IRX1: variants seen among roughly 807,000 people sequenced by gnomAD.
The protein encoded by IRX1 is iroquois-class homeodomain protein IRX-1.
Under a neutral mutation model 34.1 loss-of-function variants are expected in IRX1, and 22 were observed. That is an observed-to-expected ratio of 0.64 (90% CI 0.46 to 0.92). The LOEUF is 0.92. Ranked by LOEUF, IRX1 falls within the 40% of genes least tolerant of loss-of-function variation. IRX1 has a pLI of 0.00. For missense variants in IRX1, 758 were observed against 680.0 expected (o/e 1.11, Z -1.28); for synonymous variants, 363 against 319.0 (o/e 1.14, Z -1.47).
chr5:3,599,275 C>T lies in IRX1; in HGVS notation c.327C>T (p.Phe109=), dbSNP rs767540467. 1.3e-5 allele frequency: 21 copies of T among 1,614,026 alleles called. No homozygotes were observed. In the Admixed American group the frequency reaches 3.5e-4, roughly 27 times the overall value. The change falls in exon 2 of 4, where the codon TTC becomes TTT. Residue 109 remains phenylalanine (F), a synonymous_variant. Coordinates refer to ENST00000302006, the MANE Select transcript of IRX1 (RefSeq NM_024337.4). The surrounding 1 kb of genome is among the most constrained non-coding windows in gnomAD (Gnocchi z 6.6). The stretch of plus-strand genomic sequence containing the variant: ...ACCCTGGGGTGCACCCCGCCACCTT[C>T]GCAGCCCACACGGCGCCGGCTTATT... ...KDNPGVHPAT[F]AAHTAPAYYP...
At chr5:3,600,942 C>G (rs767203668) in intron 3 of IRX1, 41 bp from the exon 4 acceptor site, 1 of 1,603,424 alleles carries the variant, frequency 6.2e-7, no homozygotes, top group Non-Finnish European at 8.5e-7. Context: ...CCCCCACTCA[C>G]AGTGCCCCTG....
chr5:3,598,417 T>A, intron 1 of IRX1, among the ~76,000 whole-genome samples: 1 of 152,140 alleles, frequency 6.6e-6, no homozygotes, highest in East Asian at 1.9e-4. Flanking sequence ...ATGAAGTAAC[T>A]GAGAAGAGGC....
chr5:3,600,990 G>A lies in IRX1; in HGVS notation c.1393G>A (p.Ala465Thr), dbSNP rs1162588403. 1.9e-6 allele frequency: 3 copies of A among 1,608,686 alleles called. No homozygotes were observed. Among genetic ancestry groups the A allele is most frequent in the African/African-American group, 2.7e-5 (2 of 74,580 alleles). ...PFQPVRDNSL[A>T]PQEGTPRILA... is the part of the protein sequence containing the mutation. ...GCTGTGTTTCCCATGCAGCTCTCTG[G>A]CCCCGCAGGAGGGAACGCCGCGGAT... Residue 465 changes from alanine (A) to threonine (T), a missense_variant, in exon 4 of 4, where the codon GCC becomes ACC. This residue lies in a region of IRX1 where 529 missense variants were observed against 418.8 expected (regional missense o/e 1.26). Transcript: ENST00000302006.
Position 3,600,813 on chromosome 5 carries a change from A to T in IRX1, c.1385+132A>T, listed in dbSNP as rs924592961. ...CCTAGTTGAAGGAGCGCTCCCCGCC[A>T]GCCCTGGGCGCCGGGCGAGCCGAGG... is the stretch of plus-strand genomic sequence containing the variant. On this transcript the variant is annotated intron_variant, in intron 3 of 3. Coordinates refer to ENST00000302006, the MANE Select transcript of IRX1 (RefSeq NM_024337.4). 3.1e-4 allele frequency: 352 copies of T among 1,148,886 alleles called. 1 individual carries two copies. The highest frequency in any genetic ancestry group is 4.0e-4 in the South Asian group (31 of 76,992). The allele number at this position is 1,148,886 out of a possible 1,614,324, so 71.2% of individuals were successfully genotyped here.
Position 3,600,615 on chromosome 5 carries a change from AC to A in IRX1, c.1321del (p.Leu441SerfsTer12). 1 of 1,613,372 alleles carries A rather than the reference AC, an allele frequency of 6.2e-7. No individual in the cohort carries two copies. The highest frequency in any genetic ancestry group is 8.5e-7 in the Non-Finnish European group (1 of 1,179,758). On this transcript the variant is annotated frameshift_variant, in exon 3 of 4. Coordinates refer to ENST00000302006, the MANE Select transcript of IRX1 (RefSeq NM_024337.4). LOFTEE classifies it high-confidence loss of function. ...VRSSPTLPER[D>X]LVPRPDSPAQ... ...CTCTTCCGATCTCTCGCAGAGAGAG[AC>A]CTCGTCCCCAGGCCAGATTCGCCGG...
rs375423008 is a variant in IRX1 at position 3,600,170 on chromosome 5, G to A, written c.1222G>A (p.Ala408Thr). ...HAAPHGPHLPAPPPPQPPVAI... is the reference protein window; with the variant it reads ...HAAPHGPHLPTPPPPQPPVAI... ...CGCGCCCCATGGCCCTCACCTTCCT[G>A]CACCTCCACCACCGCAGCCGCCGGT... Residue 408 changes from alanine to threonine, a missense_variant, in exon 2 of 4, where the codon GCA becomes ACA. By Grantham distance (58) the Ala-to-Thr change is moderately conservative. Around this residue, in one of 3 missense-constraint regions of IRX1, gnomAD observed 529 missense variants for 418.8 expected, o/e 1.26. Coordinates refer to ENST00000302006, the MANE Select transcript of IRX1 (RefSeq NM_024337.4). 6 of 1,612,752 alleles carry A rather than the reference G, an allele frequency of 3.7e-6. No homozygotes were observed. The African/African-American group carries it at 5.3e-5, about 14-fold the overall frequency.
chr5:3,596,696 C>A (rs1242556688), intron 1 of IRX1, among the ~76,000 whole-genome samples: 1 of 152,096 alleles, frequency 6.6e-6, no homozygotes, highest in Admixed American at 6.5e-5. Context: ...AGGTCGGGGG[C>A]AAACTCGCCT....
chr5:3,599,982 G>C lies in IRX1; in HGVS notation c.1034G>C (p.Gly345Ala), dbSNP rs1733914865. The C allele has an allele frequency of 2.0e-6, 3 of 1,513,320 alleles. No homozygotes were observed. In the African/African-American group the frequency reaches 4.2e-5, roughly 21 times the overall value. 93.7% of individuals were successfully genotyped at this position (1,513,320 alleles called of 1,614,324 possible). A position where few individuals can be genotyped will look rare whatever the true frequency, so the allele number is the denominator to read the frequency against. ...CCCGCGGGCCACCCCGGCGCGCACGGGCCCTCCGCCGGGGCGCCGCTGCAA... is the reference window on the plus strand; with the variant it reads ...CCCGCGGGCCACCCCGGCGCGCACGCGCCCTCCGCCGGGGCGCCGCTGCAA... ...PPPAGHPGAH[G>A]PSAGAPLQHP... is the part of the protein sequence containing the mutation. The change falls in exon 2 of 4, where the codon GGG becomes GCG. Residue 345 changes from glycine (G) to alanine (A), a missense_variant. This residue lies in a region of IRX1 where 529 missense variants were observed against 418.8 expected (regional missense o/e 1.26). Transcript: ENST00000302006. This position sits in a 1 kb window ranked among gnomAD's most constrained non-coding sequence, Gnocchi z 6.6.
At chr5:3,600,718 T>C (rs770598517) in intron 3 of IRX1, 37 bp downstream of exon 3, 1 of 1,290,018 alleles carries the variant, frequency 7.8e-7, no homozygotes, top group Non-Finnish European at 1.1e-6. Context: ...GAGAAGGCGG[T>C]GGGGAGGGGG....
At chr5:3,597,189 C>T (rs978286472) in intron 1 of IRX1, among the ~76,000 whole-genome samples, 5 of 152,176 alleles carry the variant, frequency 3.3e-5, no homozygotes, top group African/African-American at 1.2e-4. Flanking sequence ...GTCTCCCGTC[C>T]CAGTGGGCGT....
chr5:3,600,388 G>A (rs1269831943), intron 2 of IRX1, 128 bp downstream of exon 2: 1 of 1,010,920 alleles, frequency 9.9e-7, no homozygotes, highest in East Asian at 2.6e-5. Flanking sequence ...CTGGGGCTGC[G>A]CTTAATCCCT....
chr5:3,600,388 G>C, intron 2 of IRX1, 128 bp downstream of exon 2: 1 of 1,010,918 alleles, frequency 9.9e-7, no homozygotes. Flanking sequence ...CTGGGGCTGC[G>C]CTTAATCCCT....
At position 3,600,023 on chromosome 5, in the gene IRX1, C is replaced by A. The variant is rs1318693029; in HGVS notation, c.1075C>A (p.Pro359Thr). ...GAPLQHPAFL[P>T]SHGLYTCHIG... ...GCCGCTGCAACACCCCGCCTTCCTG[C>A]CTAGCCACGGACTGTACACCTGCCA... Residue 359 changes from proline (P) to threonine (T), a missense_variant, in exon 2 of 4, where the codon CCT becomes ACT. Physicochemically the swap from Pro to Thr is conservative, Grantham distance 38. Coordinates refer to ENST00000302006, the MANE Select transcript of IRX1 (RefSeq NM_024337.4). 4 of 1,562,392 alleles carry A rather than the reference C, an allele frequency of 2.6e-6. No homozygotes were observed. The highest frequency in any genetic ancestry group is 1.9e-5 in the Admixed American group (1 of 54,048).
At position 3,596,204 on chromosome 5, in the gene IRX1, G is replaced by A. The variant is rs1743687767; in HGVS notation, c.99G>A (p.Ala33=). The A allele has an allele frequency of 1.9e-6, 2 of 1,050,618 alleles. No homozygotes were observed. The highest frequency in any genetic ancestry group is 4.4e-5 in the South Asian group (1 of 22,684). The allele number at this position is 1,050,618 out of a possible 1,614,324, so 65.1% of individuals were successfully genotyped here. The part of the protein sequence containing the change: ...ERPGVLAAAA[A]AAAAASSGRP... Reference sequence around the variant, plus strand: ...CGGGGGTGCTGGCCGCGGCCGCTGCGGCGGCTGCCGCCGCCTCGTCGGGCC... The same window carrying A: ...CGGGGGTGCTGGCCGCGGCCGCTGCAGCGGCTGCCGCCGCCTCGTCGGGCC... Residue 33 remains alanine (A), a synonymous_variant, in exon 1 of 4, where the codon GCG becomes GCA. Transcript: ENST00000302006.
At chr5:3,600,499 G>A in intron 2 of IRX1, 110 bp from the exon 3 acceptor site, 7 of 1,065,168 alleles carry the variant, frequency 6.6e-6, no homozygotes, top group Non-Finnish European at 9.6e-6. Context: ...GAGGGGTGAC[G>A]TTTTTCGGCG....
chr5:3,600,885 C>T (rs1049025072), intron 3 of IRX1, 98 bp from the exon 4 acceptor site: 12 of 1,353,344 alleles, frequency 8.9e-6, no homozygotes, highest in South Asian at 1.2e-5. Context: ...CTGTCGACCC[C>T]GCCCCCAGGG....
At position 3,599,996 on chromosome 5, in the gene IRX1, G is replaced by A. The variant is rs1383407255; in HGVS notation, c.1048G>A (p.Ala350Thr). 9 of 1,520,364 alleles carry A rather than the reference G, an allele frequency of 5.9e-6. No individual in the cohort carries two copies. The Admixed American group carries it at 1.9e-4, about 31-fold the overall frequency. 94.2% of individuals were successfully genotyped at this position (1,520,364 alleles called of 1,614,324 possible). Residue 350 changes from alanine to threonine, a missense_variant, in exon 2 of 4, where the codon GCG becomes ACG. Around this residue, in one of 3 missense-constraint regions of IRX1, gnomAD observed 529 missense variants for 418.8 expected, o/e 1.26. Coordinates refer to ENST00000302006, the MANE Select transcript of IRX1 (RefSeq NM_024337.4). The surrounding 1 kb of genome is among the most constrained non-coding windows in gnomAD (Gnocchi z 6.6). ...HPGAHGPSAG[A>T]PLQHPAFLPS... ...CGGCGCGCACGGGCCCTCCGCCGGG[G>A]CGCCGCTGCAACACCCCGCCTTCCT...
intron 2 of IRX1, 128 bp from the exon 3 acceptor site, chr5:3,600,481 G>T: frequency 1.1e-6 from 1 of 932,254 alleles, no homozygotes; most frequent in Non-Finnish European, 1.6e-6. Flanking sequence ...ACGGGGTGGT[G>T]GTGGGGTGAG....
rs754403006 is a variant in IRX1, at chr5:3,600,606, C to A, written c.1313-3C>A. On this transcript the variant is annotated splice_polypyrimidine_tract_variant and splice_region_variant and intron_variant, in intron 2 of 3. Transcript: ENST00000302006. ...TAACTCTGCCTCTTCCGATCTCTCG[C>A]AGAGAGAGACCTCGTCCCCAGGCCA... is the stretch of plus-strand genomic sequence containing the variant. The A allele has an allele frequency of 5.6e-6, 9 of 1,612,768 alleles. No individual in the cohort carries two copies. In the South Asian group the frequency reaches 8.8e-5, roughly 16 times the overall value.
Sources: allele counts gnomAD v4.1 joint callset (sites outside exome capture counted in the v4.1 genomes callset), GRCh38; gene constraint gnomAD v4.1.1; regional missense constraint gnomAD v4.1.1; non-coding constraint Gnocchi (gnomAD v3.1); transcripts MANE v1.5; gene names NCBI Gene and HGNC (gene_info 2026-07-23, HGNC 2026-07-21).